TUSC3: variants seen among roughly 807,000 people sequenced by gnomAD.
The protein encoded by TUSC3 is tumor suppressor candidate 3.
In TUSC3, 45 loss-of-function variants were observed where a neutral mutation model predicts 44.8. The observed-to-expected ratio is 1.00, with a 90% CI of 0.79 to 1.29. The LOEUF (loss-of-function observed/expected upper bound fraction) is 1.29. TUSC3 is among the 50% of genes most tolerant of loss of function. The pLI is 0.00. For synonymous variants in TUSC3, 212 were observed against 152.9 expected, an observed-to-expected ratio of 1.39 and a Z score of -2.85; for missense variants, 519 against 437.9, an observed-to-expected ratio of 1.19 and a Z score of -1.65.
chr8:15,474,735 A>G (rs1041199746), intron 1 of TUSC3, among the ~76,000 whole-genome samples: 1 of 152,182 alleles, frequency 6.6e-6, no homozygotes, highest in Non-Finnish European at 1.5e-5. Context: ...CAAAGAAATA[A>G]AAGAATACAT....
intron 6 of TUSC3, among the ~76,000 whole-genome samples, chr8:15,706,379 T>C (rs1563182742): frequency 6.6e-6 from 1 of 152,056 alleles, no homozygotes; most frequent in East Asian, 1.9e-4. Flanking sequence ...CCTCAGGAAA[T>C]GAAAGAAAGA....
chr8:15,620,739 T>C (rs375722820), intron 1 of TUSC3, among the ~76,000 whole-genome samples: 1 of 152,178 alleles, frequency 6.6e-6, no homozygotes, highest in Non-Finnish European at 1.5e-5. Flanking sequence ...TAAATGAGTT[T>C]CGTATTACCT....
chr8:15,823,913 A>G, the TUSC3 span, among the ~76,000 whole-genome samples: 1 of 152,232 alleles, frequency 6.6e-6, no homozygotes, highest in African/African-American at 2.4e-5. Flanking sequence ...GCTAACGGAT[A>G]GTATGATCTG....
At chr8:15,437,406 G>T (rs1483630432) in intron 1 of TUSC3, among the ~76,000 whole-genome samples, 8 of 151,944 alleles carry the variant, frequency 5.3e-5, no homozygotes, top group Admixed American at 4.6e-4. Flanking sequence ...ATTTTTTATG[G>T]CTTATGTCAT....
chr8:15,804,618 G>C, the TUSC3 span, among the ~76,000 whole-genome samples: 1 of 152,146 alleles, frequency 6.6e-6, no homozygotes, highest in African/African-American at 2.4e-5. Context: ...TTCTGTCAAA[G>C]ATAAGATGGC....
At chr8:15,845,125 G>T in the TUSC3 span, among the ~76,000 whole-genome samples, 1 of 152,194 alleles carries the variant, frequency 6.6e-6, no homozygotes, top group African/African-American at 2.4e-5. Flanking sequence ...TCATAAGTTA[G>T]AACAAGAAGA....
At chr8:15,457,687 CAAAAT>C (rs1345218562) in intron 1 of TUSC3, among the ~76,000 whole-genome samples, 4 of 147,650 alleles carry the variant, frequency 2.7e-5, no homozygotes, top group Admixed American at 2.0e-4. Flanking sequence ...ATTGCATTCA[CAAAAT>C]AAAATAATTT....
At chr8:15,815,320 G>C in the TUSC3 span, among the ~76,000 whole-genome samples, 1 of 152,056 alleles carries the variant, frequency 6.6e-6, no homozygotes, top group Admixed American at 6.6e-5. Flanking sequence ...TTCTTGGGGG[G>C]CAGGATAGGG....
chr8:15,546,735 A>G lies in TUSC3; in HGVS notation c.138+6167A>G, dbSNP rs1425271564. 1.3e-5 allele frequency among the ~76,000 whole-genome samples: 2 copies of G among 151,454 alleles called. 1 individual carries two copies. Among genetic ancestry groups the G allele is most frequent in the Non-Finnish European group, 3.0e-5 (2 of 67,790 alleles). On this transcript the variant is annotated intron_variant, in intron 1 of 10. Transcript: ENST00000503731. ...TTTTTAGTAGAGACAGGGTTTCTCC[A>G]TGTTGGTCAGGCTGGTCTGTAACTC...
chr8:15,784,727 C>G, the TUSC3 span, among the ~76,000 whole-genome samples: 1 of 151,928 alleles, frequency 6.6e-6, no homozygotes, highest in Non-Finnish European at 1.5e-5. Context: ...CCCATCGAAG[C>G]AGAGAATGGA....
chr8:15,674,580 A>G (rs935514409), intron 6 of TUSC3, among the ~76,000 whole-genome samples: 2 of 151,924 alleles, frequency 1.3e-5, no homozygotes, highest in Non-Finnish European at 2.9e-5. Flanking sequence ...CTCTCATCTC[A>G]TAACTATTCT....
At chr8:15,599,735 A>C (rs1804207334) in intron 1 of TUSC3, among the ~76,000 whole-genome samples, 1 of 137,078 alleles carries the variant, frequency 7.3e-6, no homozygotes, top group African/African-American at 2.7e-5. Flanking sequence ...TCAGTTGATT[A>C]TGTCAGTCTG....
chr8:15,583,041 G>C (rs781406932), intron 1 of TUSC3, among the ~76,000 whole-genome samples: 1 of 152,128 alleles, frequency 6.6e-6, no homozygotes, highest in East Asian at 1.9e-4. Context: ...ATGTAGCTAG[G>C]TGACCATGAA....
chr8:15,605,677 C>G (rs1352107252), intron 1 of TUSC3, among the ~76,000 whole-genome samples: 1 of 151,820 alleles, frequency 6.6e-6, no homozygotes, highest in African/African-American at 2.4e-5. Flanking sequence ...CTATTTTCAT[C>G]GTTTAGTACC....
At chr8:15,456,809 C>T (rs1435368649) in intron 1 of TUSC3, among the ~76,000 whole-genome samples, 1 of 152,042 alleles carries the variant, frequency 6.6e-6, no homozygotes, top group African/African-American at 2.4e-5. Flanking sequence ...AACTCAACGA[C>T]AACTTGAAAA....
chr8:15,606,695 G>C (rs545947259), intron 1 of TUSC3, among the ~76,000 whole-genome samples: 168 of 152,010 alleles, frequency 1.1e-3, no homozygotes, highest in Non-Finnish European at 2.1e-3. Flanking sequence ...TATGAACAGT[G>C]CTTCAGTGAA....
intron 2 of TUSC3, among the ~76,000 whole-genome samples, chr8:15,635,498 T>C (rs1451674326): frequency 1.3e-5 from 2 of 152,160 alleles, no homozygotes; most frequent in Non-Finnish European, 2.9e-5. Context: ...TATTAGACTG[T>C]AATATAGTCC....
chr8:15,485,445 T>A (rs541383813), intron 2 of TUSC3, among the ~76,000 whole-genome samples: 1 of 151,222 alleles, frequency 6.6e-6, no homozygotes, highest in African/African-American at 2.4e-5. Flanking sequence ...AGGGAAGCAA[T>A]GTCATTATAC....
chr8:15,803,096 T>G, the TUSC3 span, among the ~76,000 whole-genome samples: 20,487 of 152,240 alleles, frequency 0.13, 1,445 homozygotes, highest in Middle Eastern at 0.23. Flanking sequence ...AAAGTTTACC[T>G]TCATGAGGTT....
Sources: gnomAD v4.1 joint callset for allele counts (sites outside exome capture counted in the v4.1 genomes callset) on GRCh38, gnomAD v4.1.1 for gene constraint, MANE v1.5 for transcripts, NCBI Gene and HGNC (gene_info 2026-07-23, HGNC 2026-07-21) for gene names.